ARL14EPL: variants seen among roughly 807,000 people sequenced by gnomAD.
The protein encoded by ARL14EPL is ARL14 effector protein-like.
Under a neutral mutation model 15.9 loss-of-function variants are expected in ARL14EPL, and 17 were observed. The ratio of observed to expected loss-of-function variants is 1.07; its 90% CI spans 0.73 to 1.60. The LOEUF (loss-of-function observed/expected upper bound fraction) is 1.60, where lower values mean the gene tolerates loss of function less well. Ranked by LOEUF, ARL14EPL falls within the 40% of genes most tolerant of loss-of-function variation. The pLI is 0.00. For missense variants in ARL14EPL, 214 were observed against 185.9 expected, an observed-to-expected ratio of 1.15 and a Z score of -0.88; for synonymous variants, 78 against 63.8, an observed-to-expected ratio of 1.22 and a Z score of -1.06.
At chr5:116,038,009 A>G (rs1333669143) in intron 1 of ARL14EPL, among the ~76,000 whole-genome samples, 4 of 152,198 alleles carry the variant, frequency 2.6e-5, no homozygotes, top group Non-Finnish European at 4.4e-5. Context: ...TGCATTGCCT[A>G]TCATGCACAG....
chr5:116,043,163 TA>T (rs1749195612), intron 1 of ARL14EPL, among the ~76,000 whole-genome samples: 1 of 151,046 alleles, frequency 6.6e-6, no homozygotes, highest in Non-Finnish European at 1.5e-5. Flanking sequence ...TAAAAACTGG[TA>T]AAATAAATTT....
intron 1 of ARL14EPL, among the ~76,000 whole-genome samples, chr5:116,042,101 G>A (rs1749171308): frequency 6.6e-6 from 1 of 152,144 alleles, no homozygotes; most frequent in South Asian, 2.1e-4. Context: ...AATGTGCTGT[G>A]ATTACAGGTG....
chr5:116,040,605 G>T (rs11749922), intron 1 of ARL14EPL, among the ~76,000 whole-genome samples: 8,842 of 150,908 alleles, frequency 0.059, 295 homozygotes, highest in Middle Eastern at 0.086. Flanking sequence ...AAATATAATA[G>T]TAATAATAGT....
intron 1 of ARL14EPL, among the ~76,000 whole-genome samples, chr5:116,037,980 G>A (rs1280965333): frequency 6.6e-6 from 1 of 152,192 alleles, no homozygotes; most frequent in East Asian, 1.9e-4. Context: ...TCACTGCTGT[G>A]TTTGTGAACC....
chr5:116,051,559 C>T lies in ARL14EPL; in HGVS notation c.94C>T (p.Leu32=). 1 of 1,526,806 alleles carries T rather than the reference C, an allele frequency of 6.5e-7. No individual in the cohort carries two copies. The highest frequency in any genetic ancestry group is 8.8e-7 in the Non-Finnish European group (1 of 1,138,466). 94.6% of individuals were successfully genotyped at this position (1,526,806 alleles called of 1,614,324 possible). A position where few individuals can be genotyped will look rare whatever the true frequency, so the allele number is the denominator to read the frequency against. Residue 32 remains leucine (L), a splice_region_variant and synonymous_variant, in exon 2 of 4, where the codon CTG becomes TTG. Transcript: ENST00000686077. The part of the protein sequence containing the change: ...EKNCQIGQKQ[L]QQIERQLKCL... ...GAACTGTCAAATTGGACAGAAACAACTGGTATGGCACACAGATTCTATGAT... is the reference window on the plus strand; with the variant it reads ...GAACTGTCAAATTGGACAGAAACAATTGGTATGGCACACAGATTCTATGAT...
At chr5:116,057,561 A>G (rs1749550752) in intron 3 of ARL14EPL, among the ~76,000 whole-genome samples, 1 of 152,152 alleles carries the variant, frequency 6.6e-6, no homozygotes. Context: ...CACTCTTATA[A>G]TAGATTTAAA....
chr5:116,047,385 G>C (rs1180532620), intron 1 of ARL14EPL, among the ~76,000 whole-genome samples: 1 of 152,204 alleles, frequency 6.6e-6, no homozygotes, highest in Admixed American at 6.5e-5. Flanking sequence ...GAGCAGTGTT[G>C]TATCCTTAAA....
chr5:116,041,623 T>G (rs1033420036), intron 1 of ARL14EPL, among the ~76,000 whole-genome samples: 8 of 152,244 alleles, frequency 5.3e-5, no homozygotes, highest in African/African-American at 1.9e-4. Context: ...TGGAGTGCAC[T>G]TTGCAGTTTA....
Position 116,052,258 on chromosome 5 carries a change from C to T in ARL14EPL, c.96+697C>T. On this transcript the variant is annotated intron_variant, in intron 2 of 3. Coordinates refer to ENST00000686077, the MANE Select transcript of ARL14EPL (RefSeq NM_001195581.2). The stretch of plus-strand genomic sequence containing the variant: ...TTTTCTTGGCTGACTTTCCAGCGTC[C>T]TTCTTCTCGTCGTCCTTGGGCGGCA... 6 of 1,585,748 alleles carry T rather than the reference C, an allele frequency of 3.8e-6. No homozygotes were observed. The South Asian group carries it at 6.6e-5, about 18-fold the overall frequency.
At chr5:116,056,467 A>G (rs971291693) in intron 3 of ARL14EPL, among the ~76,000 whole-genome samples, 1 of 152,150 alleles carries the variant, frequency 6.6e-6, no homozygotes, top group African/African-American at 2.4e-5. Context: ...GTCTCTTCAT[A>G]TCCTTCGCCC....
chr5:116,035,577 A>G (rs1253439516), intron 1 of ARL14EPL, among the ~76,000 whole-genome samples: 2 of 152,236 alleles, frequency 1.3e-5, no homozygotes, highest in South Asian at 2.1e-4. Context: ...GGCAGGAACT[A>G]CAAGAAACAG....
chr5:116,048,140 T>TG lies in ARL14EPL; in HGVS notation c.-9-3312dup, dbSNP rs1561578706. Among the ~76,000 whole-genome samples, 3 of 152,180 alleles carry TG rather than the reference T, an allele frequency of 2.0e-5. No homozygotes were observed. The South Asian group carries it at 6.2e-4, about 31-fold the overall frequency. On this transcript the variant is annotated intron_variant, in intron 1 of 3. Coordinates refer to ENST00000686077, the MANE Select transcript of ARL14EPL (RefSeq NM_001195581.2). ...AGCTCTGCTCTAGGAGTCTGATGCT[T>TG]GGGGGAGCCTCTTCTCTTTGTGTTA...
intron 1 of ARL14EPL, among the ~76,000 whole-genome samples, chr5:116,049,434 A>G (rs1426568496): frequency 6.6e-6 from 1 of 152,212 alleles, no homozygotes; most frequent in Non-Finnish European, 1.5e-5. Context: ...GAGAGTATCA[A>G]AGCAAAAACT....
At position 116,044,479 on chromosome 5, in the gene ARL14EPL, G is replaced by A. The variant is rs143143781; in HGVS notation, c.-9-6978G>A. On this transcript the variant is annotated intron_variant, in intron 1 of 3. Transcript: ENST00000686077. The stretch of plus-strand genomic sequence containing the variant: ...GAAGAAAAACATTATATATATATAC[G>A]TGCGTGTGTATATATGTGTGTGTAT... Among the ~76,000 whole-genome samples, 31 of 134,722 alleles carry A rather than the reference G, an allele frequency of 2.3e-4. No individual in the cohort carries two copies. The East Asian group carries it at 5.8e-3, about 25-fold the overall frequency. 88.4% of individuals were successfully genotyped at this position (134,722 alleles called of 152,430 possible). A position where few individuals can be genotyped will look rare whatever the true frequency, so the allele number is the denominator to read the frequency against.
At chr5:116,049,387 T>C (rs1375118639) in intron 1 of ARL14EPL, among the ~76,000 whole-genome samples, 2 of 152,204 alleles carry the variant, frequency 1.3e-5, no homozygotes, top group East Asian at 3.8e-4. Context: ...AAACTCTTCA[T>C]AGGAATGTTT....
Position 116,059,106 on chromosome 5 carries a change from C to G in ARL14EPL, c.*159C>G, listed in dbSNP as rs1335462253. On this transcript the variant is annotated 3_prime_UTR_variant, in exon 4 of 4. Transcript: ENST00000686077. ...GAACAATGTAGAATGGGCAATAATT[C>G]TGTAACCTTCTTAACTGTGTCAACA... The G allele has an allele frequency of 8.9e-6, 6 of 673,296 alleles. No homozygotes were observed. Among genetic ancestry groups the G allele is most frequent in the Non-Finnish European group, 1.5e-5 (6 of 404,108 alleles). 41.7% of individuals were successfully genotyped at this position (673,296 alleles called of 1,614,324 possible). A position where few individuals can be genotyped will look rare whatever the true frequency, so the allele number is the denominator to read the frequency against.
intron 1 of ARL14EPL, among the ~76,000 whole-genome samples, chr5:116,042,107 A>G (rs1749171360): frequency 6.6e-6 from 1 of 152,154 alleles, no homozygotes; most frequent in African/African-American, 2.4e-5. Context: ...CTGTGATTAC[A>G]GGTGTGAGCC....
chr5:116,045,128 CA>C (rs1404172860), intron 1 of ARL14EPL, among the ~76,000 whole-genome samples: 1 of 152,112 alleles, frequency 6.6e-6, no homozygotes, highest in African/African-American at 2.4e-5. Context: ...CAAGCCACAT[CA>C]TGTAGATTCT....
chr5:116,040,293 G>A (rs866443781), intron 1 of ARL14EPL, among the ~76,000 whole-genome samples: 7 of 151,436 alleles, frequency 4.6e-5, no homozygotes, highest in Admixed American at 2.0e-4. Context: ...CTTCACTCCT[G>A]TTATATACCA....
Sources: gnomAD v4.1 joint callset for allele counts (sites outside exome capture counted in the v4.1 genomes callset) on GRCh38, gnomAD v4.1.1 for gene constraint, MANE v1.5 for transcripts, NCBI Gene and HGNC (gene_info 2026-07-23, HGNC 2026-07-21) for gene names.